Variants in SCD5 observed in about 807,000 individuals in gnomAD.
The protein encoded by SCD5 is stearoyl-CoA desaturase 5, also known as acyl-CoA-desaturase 4.
A neutral mutation model predicts 30.4 loss-of-function variants in SCD5; 20 were observed. That is an observed-to-expected ratio of 0.66 (90% CI 0.46 to 0.96). The LOEUF is 0.96. Ranked by LOEUF, SCD5 falls within the 40% of genes least tolerant of loss-of-function variation. The pLI is 0.00. For missense variants in SCD5, 381 were observed against 443.3 expected, an observed-to-expected ratio of 0.86 and a Z score of 1.26; for synonymous variants, 173 against 176.4, an observed-to-expected ratio of 0.98 and a Z score of 0.16.
intron 2 of SCD5, among the ~76,000 whole-genome samples, chr4:82,696,652 T>C (rs1432433845): frequency 2.0e-5 from 3 of 151,986 alleles, no homozygotes; most frequent in Admixed American, 6.6e-5. Flanking sequence ...CACAATGAGA[T>C]TTGATTTCAG....
chr4:82,753,168 A>G (rs1467851346), intron 1 of SCD5, among the ~76,000 whole-genome samples: 1 of 152,166 alleles, frequency 6.6e-6, no homozygotes, highest in African/African-American at 2.4e-5. Flanking sequence ...TTCCAGTTTG[A>G]GAGACATGTG....
chr4:82,688,043 T>C (rs1356822957), intron 2 of SCD5, among the ~76,000 whole-genome samples: 1 of 152,220 alleles, frequency 6.6e-6, no homozygotes, highest in Non-Finnish European at 1.5e-5. Context: ...AACAGTTGCT[T>C]GCTCCCAACC....
chr4:82,713,956 C>G (rs189498150), intron 1 of SCD5, among the ~76,000 whole-genome samples: 10 of 152,324 alleles, frequency 6.6e-5, no homozygotes, highest in African/African-American at 2.4e-4. Flanking sequence ...CATCCAGCAT[C>G]TGAGCCTGGG....
At chr4:82,790,522 A>C (rs1578069873) in intron 1 of SCD5, among the ~76,000 whole-genome samples, 1 of 151,784 alleles carries the variant, frequency 6.6e-6, no homozygotes, top group African/African-American at 2.4e-5. Context: ...CCAGCCCTGC[A>C]CCTCCTGCCA....
At chr4:82,638,314 G>A (rs541703588) in intron 3 of SCD5, among the ~76,000 whole-genome samples, 12 of 151,874 alleles carry the variant, frequency 7.9e-5, no homozygotes, top group African/African-American at 2.7e-4. Context: ...ACGAGGCAAC[G>A]GCCGGTGTCT....
chr4:82,753,947 C>A (rs1188871910), intron 1 of SCD5, among the ~76,000 whole-genome samples: 1 of 152,074 alleles, frequency 6.6e-6, no homozygotes, highest in Non-Finnish European at 1.5e-5. Context: ...CAAGGTTTGC[C>A]AAGCACTGAA....
chr4:82,733,177 C>T (rs144899215), intron 1 of SCD5, among the ~76,000 whole-genome samples: 8 of 152,280 alleles, frequency 5.3e-5, no homozygotes, highest in African/African-American at 7.2e-5. Context: ...AATGACAGGA[C>T]GACAGGAAAA....
chr4:82,675,125 T>G (rs536481374), intron 3 of SCD5, among the ~76,000 whole-genome samples: 1 of 152,278 alleles, frequency 6.6e-6, no homozygotes, highest in African/African-American at 2.4e-5. Context: ...CTATGGACTT[T>G]GGGTGACAGT....
Position 82,636,831 on chromosome 4 carries a change from G to T in SCD5, c.570-8C>A, listed in dbSNP as rs1250613148. The T allele has an allele frequency of 6.2e-6, 10 of 1,600,958 alleles. No homozygotes were observed. The highest frequency in any genetic ancestry group is 8.5e-6 in the Non-Finnish European group (10 of 1,172,774). ...ACGGAGATCTTATAGTACCTACAGG[G>T]CAAGACACCATATCACCATGAGGAC... On this transcript the variant is annotated splice_region_variant and splice_polypyrimidine_tract_variant and intron_variant, in intron 3 of 4. Transcript: ENST00000319540.
intron 1 of SCD5, among the ~76,000 whole-genome samples, chr4:82,735,467 A>G (rs1457103003): frequency 1.3e-5 from 2 of 152,202 alleles, no homozygotes; most frequent in Non-Finnish European, 2.9e-5. Context: ...TAATAAATGG[A>G]TACAAATTAC....
chr4:82,655,905 A>C (rs989267438), intron 3 of SCD5, among the ~76,000 whole-genome samples: 1 of 152,196 alleles, frequency 6.6e-6, no homozygotes, highest in African/African-American at 2.4e-5. Flanking sequence ...CTGTAAGCCA[A>C]GGGTGGCTCC....
chr4:82,695,048 A>ATAACCAGG (rs1719669418), intron 2 of SCD5, among the ~76,000 whole-genome samples: 1 of 152,140 alleles, frequency 6.6e-6, no homozygotes, highest in Admixed American at 6.5e-5. Flanking sequence ...AGGCGTCTGA[A>ATAACCAGG]GTGGGGACAG....
chr4:82,769,222 T>C (rs1459239052), intron 1 of SCD5, among the ~76,000 whole-genome samples: 1 of 152,176 alleles, frequency 6.6e-6, no homozygotes, highest in Admixed American at 6.5e-5. Flanking sequence ...CCTGAGATTG[T>C]GAGGGCAATG....
chr4:82,682,599 T>C (rs919172819), intron 2 of SCD5, among the ~76,000 whole-genome samples: 1 of 152,158 alleles, frequency 6.6e-6, no homozygotes, highest in African/African-American at 2.4e-5. Flanking sequence ...GAGTCTACCA[T>C]TTCATAGAGA....
At chr4:82,747,485 A>G (rs1454274728) in intron 1 of SCD5, among the ~76,000 whole-genome samples, 1 of 152,214 alleles carries the variant, frequency 6.6e-6, no homozygotes, top group African/African-American at 2.4e-5. Flanking sequence ...CCACATATTA[A>G]CTACTTAACT....
chr4:82,770,790 T>C (rs971783251), intron 1 of SCD5, among the ~76,000 whole-genome samples: 12 of 152,124 alleles, frequency 7.9e-5, no homozygotes, highest in African/African-American at 2.2e-4. Flanking sequence ...GAGAGCTGGG[T>C]TGTTAATGCC....
chr4:82,763,336 A>T (rs1721418629), intron 1 of SCD5, among the ~76,000 whole-genome samples: 1 of 151,966 alleles, frequency 6.6e-6, no homozygotes, highest in Admixed American at 6.6e-5. Context: ...ACATGGTGAA[A>T]CCCATCTCTA....
intron 4 of SCD5, among the ~76,000 whole-genome samples, chr4:82,635,869 C>G (rs114975915): frequency 0.034 from 5,169 of 152,186 alleles, 308 homozygotes; most frequent in African/African-American, 0.12. Flanking sequence ...TTCATGGTCC[C>G]GTGAAATGCC....
chr4:82,679,865 A>G (rs1258079455), intron 3 of SCD5, among the ~76,000 whole-genome samples: 1 of 152,202 alleles, frequency 6.6e-6, no homozygotes, highest in Non-Finnish European at 1.5e-5. Flanking sequence ...CTGTTTAGGT[A>G]AGTCCTCAGA....
Sources: gnomAD v4.1 joint callset for allele counts (sites outside exome capture counted in the v4.1 genomes callset) on GRCh38, gnomAD v4.1.1 for gene constraint, MANE v1.5 for transcripts, NCBI Gene and HGNC (gene_info 2026-07-23, HGNC 2026-07-21) for gene names.